Variants in NKAIN2 observed in about 807,000 individuals in gnomAD.
The protein encoded by NKAIN2 is sodium/potassium transporting ATPase interacting 2.
NKAIN2 carries 14 observed loss-of-function variants against 32.6 expected under a neutral mutation model. That is an observed-to-expected ratio of 0.43 (90% confidence interval 0.28 to 0.67). The LOEUF (loss-of-function observed/expected upper bound fraction) is 0.67. Among genes scored for constraint, NKAIN2 ranks in the 30% least tolerant of loss-of-function variants. The pLI is 0.17. For synonymous variants in NKAIN2, 80 were observed against 87.2 expected, an observed-to-expected ratio of 0.92 and a Z score of 0.46; for missense variants, 198 against 258.3, an observed-to-expected ratio of 0.77 and a Z score of 1.60.
At chr6:123,978,488 CAA>C (rs552610194) in intron 1 of NKAIN2, among the ~76,000 whole-genome samples, 3 of 152,246 alleles carry the variant, frequency 2.0e-5, no homozygotes, top group South Asian at 4.2e-4. Flanking sequence ...ATTCATACAT[CAA>C]AAGAGTCAGT....
intron 1 of NKAIN2, among the ~76,000 whole-genome samples, chr6:124,097,911 G>A (rs532022374): frequency 2.6e-5 from 4 of 152,120 alleles, no homozygotes; most frequent in Non-Finnish European, 4.4e-5. Context: ...CAACATTTAC[G>A]CTGAAACCTG....
At chr6:124,087,671 C>A (rs892205103) in intron 1 of NKAIN2, among the ~76,000 whole-genome samples, 2 of 151,762 alleles carry the variant, frequency 1.3e-5, no homozygotes, top group Non-Finnish European at 2.9e-5. Context: ...TCTAAAACTG[C>A]CTTAAAAATA....
chr6:124,762,043 T>G (rs1470698586), intron 4 of NKAIN2, among the ~76,000 whole-genome samples: 2 of 152,194 alleles, frequency 1.3e-5, no homozygotes, highest in Non-Finnish European at 2.9e-5. Flanking sequence ...AGATGTTTGG[T>G]GTATAAGAGT....
chr6:123,990,035 G>A (rs1171516344), intron 1 of NKAIN2, among the ~76,000 whole-genome samples: 1 of 152,136 alleles, frequency 6.6e-6, no homozygotes, highest in Non-Finnish European at 1.5e-5. Context: ...ATGGAGGGAA[G>A]GCAAATAATA....
In NKAIN2 at chr6:123,910,499, G is replaced by GTTTTTTTT. The variant is rs35165515; in HGVS notation, c.54+106261_54+106268dup. ...TTTGAGGACATTACCTGCAATGCAT[G>GTTTTTTTT]TTTTTTTTTTTTTTTTTTTTTTTGA... On this transcript the variant is annotated intron_variant, in intron 1 of 6. Coordinates refer to ENST00000368417, the MANE Select transcript of NKAIN2 (RefSeq NM_001040214.3). Among the ~76,000 whole-genome samples the GTTTTTTTT allele has an allele frequency of 6.9e-4, 56 of 81,300 alleles. 4 individuals carry two copies. Among genetic ancestry groups the GTTTTTTTT allele is most frequent in the African/African-American group, 1.7e-3 (34 of 19,926 alleles). 53.3% of individuals were successfully genotyped at this position (81,300 alleles called of 152,430 possible). A position where few individuals can be genotyped will look rare whatever the true frequency, so the allele number is the denominator to read the frequency against.
intron 1 of NKAIN2, among the ~76,000 whole-genome samples, chr6:124,135,713 T>G (rs754382718): frequency 7.9e-5 from 12 of 151,934 alleles, no homozygotes; most frequent in Admixed American, 7.2e-4. Flanking sequence ...AACCGTAAAT[T>G]AACTCCAAAA....
At chr6:124,474,107 AT>A (rs66832812) in intron 3 of NKAIN2, among the ~76,000 whole-genome samples, 2 of 149,644 alleles carry the variant, frequency 1.3e-5, no homozygotes, top group Non-Finnish European at 1.5e-5. Context: ...TTAGGACTGT[AT>A]TTTTTTTTTA....
At chr6:124,583,716 G>A (rs1583474383) in intron 3 of NKAIN2, among the ~76,000 whole-genome samples, 1 of 152,246 alleles carries the variant, frequency 6.6e-6, no homozygotes, top group Non-Finnish European at 1.5e-5. Context: ...AAAACTGGAA[G>A]AATCACATTA....
At chr6:124,041,647 C>T (rs1442566852) in intron 1 of NKAIN2, among the ~76,000 whole-genome samples, 1 of 151,810 alleles carries the variant, frequency 6.6e-6, no homozygotes, top group Non-Finnish European at 1.5e-5. Flanking sequence ...CACTGAATAA[C>T]ATAAAATAAC....
chr6:124,614,693 C>T (rs2115003726), intron 3 of NKAIN2, among the ~76,000 whole-genome samples: 1 of 152,064 alleles, frequency 6.6e-6, no homozygotes, highest in South Asian at 2.1e-4. Context: ...CCAAAGACCC[C>T]CCCAATTTCT....
chr6:124,563,094 C>T lies in NKAIN2; in HGVS notation c.274-95092C>T, dbSNP rs199833497. The stretch of plus-strand genomic sequence containing the variant: ...AATTTTTTTGTATTTTTAGTAGAGA[C>T]GGGGTTTCACTGTGTTGGCCAGGCT... On this transcript the variant is annotated intron_variant, in intron 3 of 6. Coordinates refer to ENST00000368417, the MANE Select transcript of NKAIN2 (RefSeq NM_001040214.3). 1.8e-4 allele frequency among the ~76,000 whole-genome samples: 28 copies of T among 151,864 alleles called. No individual in the cohort carries two copies. In the East Asian group the frequency reaches 4.1e-3, roughly 22 times the overall value.
intron 2 of NKAIN2, among the ~76,000 whole-genome samples, chr6:124,346,900 A>T (rs9401733): frequency 2.0e-5 from 3 of 151,554 alleles, no homozygotes; most frequent in Non-Finnish European, 4.4e-5. Context: ...GTGATTTTGC[A>T]CATTAGTTGA....
intron 1 of NKAIN2, among the ~76,000 whole-genome samples, chr6:123,986,393 T>C (rs1334229591): frequency 7.2e-5 from 11 of 152,344 alleles, no homozygotes; most frequent in Non-Finnish European, 1.5e-5. Flanking sequence ...CTTATCAGAC[T>C]TTTTCAGCTA....
intron 3 of NKAIN2, among the ~76,000 whole-genome samples, chr6:124,458,113 T>C (rs1236624332): frequency 6.6e-6 from 1 of 151,966 alleles, no homozygotes; most frequent in Non-Finnish European, 1.5e-5. Context: ...AGCTCTGTAT[T>C]TAGCATAGCT....
At chr6:124,008,171 C>T (rs765616003) in intron 1 of NKAIN2, among the ~76,000 whole-genome samples, 12 of 152,094 alleles carry the variant, frequency 7.9e-5, no homozygotes, top group Non-Finnish European at 1.6e-4. Context: ...GCTCTCCGAT[C>T]GCGCTGCTTT....
chr6:124,626,170 A>ATCTT (rs5879750), intron 3 of NKAIN2, among the ~76,000 whole-genome samples: 1 of 146,660 alleles, frequency 6.8e-6, no homozygotes, highest in Non-Finnish European at 1.5e-5. Context: ...AGAAAACTGA[A>ATCTT]TCTTTCTTTG....
At chr6:124,543,301 C>T (rs956610981) in intron 3 of NKAIN2, among the ~76,000 whole-genome samples, 15 of 152,058 alleles carry the variant, frequency 9.9e-5, no homozygotes, top group Admixed American at 8.5e-4. Flanking sequence ...ACTACCTAGC[C>T]AAATAATTAA....
At chr6:124,748,934 A>C (rs1777583078) in intron 4 of NKAIN2, among the ~76,000 whole-genome samples, 1 of 151,856 alleles carries the variant, frequency 6.6e-6, no homozygotes, top group Admixed American at 6.6e-5. Context: ...GGTTTAAAAC[A>C]ACAAAAATTT....
At chr6:123,911,747 T>C (rs1362234007) in intron 1 of NKAIN2, among the ~76,000 whole-genome samples, 1 of 142,168 alleles carries the variant, frequency 7.0e-6, no homozygotes, top group Non-Finnish European at 1.5e-5. Context: ...CTTACATCTG[T>C]ATTAATATAA....
Sources: allele counts gnomAD v4.1 joint callset (sites outside exome capture counted in the v4.1 genomes callset), GRCh38; gene constraint gnomAD v4.1.1; transcripts MANE v1.5; gene names NCBI Gene and HGNC (gene_info 2026-07-23, HGNC 2026-07-21).